Variants in WDR44 observed in about 807,000 individuals in gnomAD.
WDR44 encodes WD repeat-containing protein 44.
In WDR44, 9 loss-of-function variants were observed where a neutral mutation model predicts 65.7. The observed-to-expected ratio is 0.14, with a 90% confidence interval of 0.08 to 0.24. WDR44 has a LOEUF of 0.24. Among genes scored for constraint, WDR44 ranks in the 10% least tolerant of loss-of-function variants. The probability of loss-of-function intolerance (pLI) is 1.00; values close to 1 mark genes in which losing one functional copy is unlikely to be tolerated. For synonymous variants in WDR44, 220 were observed against 235.2 expected, an observed-to-expected ratio of 0.94 and a Z score of 0.59; for missense variants, 425 against 670.9, an observed-to-expected ratio of 0.63 and a Z score of 4.05.
chrX:118,369,680 G>A (rs957236050), intron 1 of WDR44, among the ~76,000 whole-genome samples: 1 of 109,230 alleles, frequency 9.2e-6, no homozygotes, highest in Non-Finnish European at 1.9e-5. Context: ...GTGTTAGCCA[G>A]GATGGTCTCA....
At chrX:118,436,582 G>A (rs2057257041) in intron 13 of WDR44, 120 bp from the exon 14 acceptor site, 2 of 789,186 alleles carry the variant, frequency 2.5e-6, no homozygotes, top group Non-Finnish European at 3.8e-6. Flanking sequence ...TGTTCTTTCC[G>A]ATGCTGCATT....
chrX:118,366,170 A>T (rs1302844511), intron 1 of WDR44, among the ~76,000 whole-genome samples: 2 of 112,082 alleles, frequency 1.8e-5, no homozygotes, highest in African/African-American at 3.2e-5. Flanking sequence ...TCTTAATAGA[A>T]AAAAAAGTTG....
At chrX:118,432,560 T>C (rs1382444920) in intron 12 of WDR44, among the ~76,000 whole-genome samples, 3 of 111,779 alleles carry the variant, frequency 2.7e-5, no homozygotes. Context: ...GGGAAAAGAT[T>C]GTGACAGCAC....
chrX:118,362,071 A>G (rs762837788), intron 1 of WDR44, among the ~76,000 whole-genome samples: 21 of 112,071 alleles, frequency 1.9e-4, no homozygotes, highest in Non-Finnish European at 3.4e-4. Flanking sequence ...ACATACTTGC[A>G]TTGATTGCCA....
At chrX:118,414,140 G>C in intron 12 of WDR44, among the ~76,000 whole-genome samples, 1 of 110,034 alleles carries the variant, frequency 9.1e-6, no homozygotes, top group East Asian at 2.8e-4. Flanking sequence ...CTTTTGCTTA[G>C]TCTTGCTTTG....
intron 8 of WDR44, among the ~76,000 whole-genome samples, chrX:118,400,513 C>G (rs1379264123): frequency 1.8e-5 from 2 of 111,471 alleles, no homozygotes; most frequent in Non-Finnish European, 3.8e-5. Context: ...TTATAATTAT[C>G]CAGAAAATAC....
chrX:118,399,031 T>C (rs2147708440), intron 8 of WDR44, among the ~76,000 whole-genome samples: 1 of 112,363 alleles, frequency 8.9e-6, no homozygotes, highest in Non-Finnish European at 1.9e-5. Flanking sequence ...AAGAACATGA[T>C]TGTCCTTGAA....
chrX:118,405,821 A>G (rs1333355373), intron 9 of WDR44, among the ~76,000 whole-genome samples: 2 of 112,024 alleles, frequency 1.8e-5, no homozygotes, highest in South Asian at 3.7e-4. Flanking sequence ...ACTGCAGTAG[A>G]TATTATAAGT....
chrX:118,366,292 TA>T (rs769087476), intron 1 of WDR44, among the ~76,000 whole-genome samples: 1 of 112,156 alleles, frequency 8.9e-6, no homozygotes, highest in African/African-American at 3.2e-5. Context: ...TTGTCTCCGG[TA>T]TTTTTTTTAA....
At chrX:118,427,418 CT>C (rs1487144074) in intron 12 of WDR44, among the ~76,000 whole-genome samples, 3 of 108,594 alleles carry the variant, frequency 2.8e-5, no homozygotes, top group Non-Finnish European at 5.7e-5. Context: ...CTACAGGCGC[CT>C]GCCACCACGC....
intron 1 of WDR44, among the ~76,000 whole-genome samples, chrX:118,356,298 T>C (rs1338322237): frequency 8.9e-6 from 1 of 111,734 alleles, no homozygotes; most frequent in Non-Finnish European, 1.9e-5. Context: ...CAAAGAGTTA[T>C]GGTCTTTGTT....
intron 1 of WDR44, among the ~76,000 whole-genome samples, chrX:118,377,035 T>C (rs2056666526): frequency 9.1e-6 from 1 of 109,320 alleles, no homozygotes. Flanking sequence ...GAGTAGTCTG[T>C]TTAAGAACAG....
At chrX:118,374,335 T>A in intron 1 of WDR44, among the ~76,000 whole-genome samples, 1 of 112,057 alleles carries the variant, frequency 8.9e-6, no homozygotes, top group South Asian at 3.7e-4. Context: ...TTGCAAGTTA[T>A]AAATATGCCT....
intron 14 of WDR44, among the ~76,000 whole-genome samples, chrX:118,440,381 C>T (rs1422784070): frequency 9.0e-6 from 1 of 110,514 alleles, no homozygotes; most frequent in African/African-American, 3.3e-5. Context: ...TGCTAGATGT[C>T]CCCTGCAAGG....
chrX:118,439,970 A>G (rs1278999458), intron 14 of WDR44, among the ~76,000 whole-genome samples: 1 of 107,579 alleles, frequency 9.3e-6, no homozygotes, highest in Non-Finnish European at 1.9e-5. Flanking sequence ...AAAATTTAAA[A>G]TTAGCCCGGT....
chrX:118,427,882 A>G (rs1020954424), intron 12 of WDR44, among the ~76,000 whole-genome samples: 1 of 107,507 alleles, frequency 9.3e-6, no homozygotes, highest in Admixed American at 1.0e-4. Flanking sequence ...TCACCGTGTT[A>G]GCCAGGATGG....
intron 1 of WDR44, among the ~76,000 whole-genome samples, chrX:118,373,269 G>T (rs1189052924): frequency 9.0e-6 from 1 of 110,845 alleles, no homozygotes; most frequent in Non-Finnish European, 1.9e-5. Context: ...GTATTTGAGC[G>T]TGATAATTAA....
At chrX:118,355,373 A>G (rs2058387734) in intron 1 of WDR44, among the ~76,000 whole-genome samples, 1 of 111,985 alleles carries the variant, frequency 8.9e-6, no homozygotes, top group South Asian at 3.7e-4. Context: ...GTTGCATTGG[A>G]TATGGTGGAC....
Position 118,436,481 on chromosome X carries a change from A to G in WDR44, c.1852-221A>G, listed in dbSNP as rs751838844. On this transcript the variant is annotated intron_variant, in intron 13 of 19. Coordinates refer to ENST00000254029, the MANE Select transcript of WDR44 (RefSeq NM_019045.5). ...ATAAGATTCATCTGAATTTCAGAAC[A>G]GGTAATGTCAAAAAGTTTTAGAATC... 1.7e-5 allele frequency: 8 copies of G among 466,972 alleles called. No individual in the cohort carries two copies. The South Asian group carries it at 2.1e-4, about 12-fold the overall frequency. 38.5% of individuals were successfully genotyped at this position (466,972 alleles called of 1,213,427 possible).
Sources: allele counts gnomAD v4.1 joint callset (sites outside exome capture counted in the v4.1 genomes callset), GRCh38; gene constraint gnomAD v4.1.1; transcripts MANE v1.5; gene names NCBI Gene and HGNC (gene_info 2026-07-23, HGNC 2026-07-21).